Variants in MMP16 observed in about 807,000 individuals in gnomAD.
The protein encoded by MMP16 is matrix metallopeptidase 16, also known as matrix metalloproteinase-16.
Under a neutral mutation model 67.8 loss-of-function variants are expected in MMP16, and 12 were observed. The ratio of observed to expected loss-of-function variants is 0.18; its 90% CI spans 0.11 to 0.29. MMP16 has a LOEUF of 0.29. Among genes scored for constraint, MMP16 ranks in the 10% least tolerant of loss-of-function variants. MMP16 has a pLI of 1.00. For missense variants in MMP16, 475 were observed against 765.7 expected (o/e 0.62, Z 4.48); for synonymous variants, 249 against 255.9 (o/e 0.97, Z 0.26).
At chr8:88,187,078 C>A (rs940626258) in intron 2 of MMP16, among the ~76,000 whole-genome samples, 1 of 152,188 alleles carries the variant, frequency 6.6e-6, no homozygotes, top group Non-Finnish European at 1.5e-5. Flanking sequence ...ATTTACATAG[C>A]AGTCAACTGT....
chr8:88,133,080 C>CT (rs1201672491), intron 4 of MMP16, among the ~76,000 whole-genome samples: 4 of 151,550 alleles, frequency 2.6e-5, no homozygotes, highest in South Asian at 4.2e-4. Flanking sequence ...AACACTGTAC[C>CT]TTTTTTTTCT....
chr8:88,183,650 T>G (rs1201841489), intron 3 of MMP16, among the ~76,000 whole-genome samples: 1 of 151,470 alleles, frequency 6.6e-6, no homozygotes, highest in East Asian at 1.9e-4. Flanking sequence ...ATGTGAACTA[T>G]ATAACGAAAG....
At chr8:88,324,494 T>C (rs1811508195) in intron 1 of MMP16, among the ~76,000 whole-genome samples, 1 of 152,166 alleles carries the variant, frequency 6.6e-6, no homozygotes, top group Non-Finnish European at 1.5e-5. Flanking sequence ...GTAATCTTAG[T>C]TGTCAGCATA....
chr8:88,273,147 G>A (rs1810592933), intron 1 of MMP16, among the ~76,000 whole-genome samples: 1 of 150,732 alleles, frequency 6.6e-6, no homozygotes, highest in African/African-American at 2.4e-5. Context: ...GCAGTGGCAC[G>A]ATCTAACCTC....
intron 1 of MMP16, among the ~76,000 whole-genome samples, chr8:88,211,693 T>C (rs945022620): frequency 2.0e-5 from 3 of 152,178 alleles, no homozygotes; most frequent in African/African-American, 7.2e-5. Flanking sequence ...TATACTTGAA[T>C]ATTGCAACAC....
At chr8:88,128,448 T>C (rs184042614) in intron 4 of MMP16, among the ~76,000 whole-genome samples, 11 of 151,956 alleles carry the variant, frequency 7.2e-5, no homozygotes, top group Non-Finnish European at 1.6e-4. Context: ...TAGACAGGTT[T>C]TTTTCCTGAC....
rs1320831069 is a variant in MMP16, at chr8:88,036,801, C to A, written c.*4660G>T. 1 of 151,338 alleles carries A rather than the reference C, an allele frequency of 6.6e-6. No homozygotes were observed. Among genetic ancestry groups the A allele is most frequent in the Non-Finnish European group, 1.5e-5 (1 of 67,686 alleles). 9.4% of individuals were successfully genotyped at this position (151,338 alleles called of 1,614,324 possible). On this transcript the variant is annotated 3_prime_UTR_variant, in exon 10 of 10. Coordinates refer to ENST00000286614, the MANE Select transcript of MMP16 (RefSeq NM_005941.5). ...GACATCTGTGATACTTTGGAATATG[C>A]CCTTGAAAGCATCAGAAATGAAATA...
At chr8:88,175,491 T>C (rs113361754) in intron 3 of MMP16, among the ~76,000 whole-genome samples, 19 of 152,354 alleles carry the variant, frequency 1.2e-4, no homozygotes, top group African/African-American at 3.6e-4. Context: ...ACATTAACTT[T>C]AAAGTGCAAT....
At chr8:88,272,206 G>A (rs565049038) in intron 1 of MMP16, among the ~76,000 whole-genome samples, 1 of 152,086 alleles carries the variant, frequency 6.6e-6, no homozygotes, top group Non-Finnish European at 1.5e-5. Flanking sequence ...TCATCCTCGT[G>A]GCTATAATGG....
At chr8:88,236,693 G>A (rs2129887556) in intron 1 of MMP16, among the ~76,000 whole-genome samples, 1 of 152,146 alleles carries the variant, frequency 6.6e-6, no homozygotes, top group East Asian at 1.9e-4. Flanking sequence ...AGGCTGCAGT[G>A]AGCCGAGATC....
chr8:88,297,238 A>G (rs1283692748), intron 1 of MMP16, among the ~76,000 whole-genome samples: 1 of 152,160 alleles, frequency 6.6e-6, no homozygotes, highest in Non-Finnish European at 1.5e-5. Context: ...AAGGCAATAC[A>G]GTCCTACCAC....
chr8:88,131,295 A>ACACAC, intron 4 of MMP16, among the ~76,000 whole-genome samples: 1 of 151,124 alleles, frequency 6.6e-6, no homozygotes, highest in African/African-American at 2.4e-5. Flanking sequence ...ACACACACAC[A>ACACAC]ATCTTCCATA....
chr8:88,304,131 C>T (rs1032906887), intron 1 of MMP16, among the ~76,000 whole-genome samples: 1 of 152,132 alleles, frequency 6.6e-6, no homozygotes, highest in Non-Finnish European at 1.5e-5. Context: ...AAAAACACAA[C>T]ATGAGAACTT....
At chr8:88,267,508 C>A (rs1810493678) in intron 1 of MMP16, among the ~76,000 whole-genome samples, 1 of 152,202 alleles carries the variant, frequency 6.6e-6, no homozygotes, top group Non-Finnish European at 1.5e-5. Flanking sequence ...ATGCTAAGAA[C>A]CACATCTGCC....
chr8:88,248,575 G>A (rs982765166), intron 1 of MMP16, among the ~76,000 whole-genome samples: 5 of 151,978 alleles, frequency 3.3e-5, no homozygotes, highest in Non-Finnish European at 7.4e-5. Context: ...ACTGGAAAAC[G>A]TCCATTGCCC....
chr8:88,236,179 C>G (rs977321737), intron 1 of MMP16, among the ~76,000 whole-genome samples: 2 of 152,262 alleles, frequency 1.3e-5, no homozygotes, highest in East Asian at 3.9e-4. Flanking sequence ...GGAGAGGAGA[C>G]AGAACAGCAC....
In MMP16 at chr8:88,041,478, T is replaced by C. The variant is rs753205155; in HGVS notation, c.1807A>G (p.Met603Val). 5 of 1,613,658 alleles carry C rather than the reference T, an allele frequency of 3.1e-6. No homozygotes were observed. The highest frequency in any genetic ancestry group is 4.2e-6 in the Non-Finnish European group (5 of 1,179,618). ...ACCCTACATCACACCCACTCTTGCA[T>C]AGAGCGTTTACAGTACAGTATGTGG... ...PRHILYCKRS[M>V]QEWV The change falls in exon 10 of 10, where the codon ATG becomes GTG. Residue 603 changes from methionine to valine, a missense_variant. Coordinates refer to ENST00000286614, the MANE Select transcript of MMP16 (RefSeq NM_005941.5). The surrounding 1 kb of genome is among the most constrained non-coding windows in gnomAD (Gnocchi z 6.0).
At chr8:88,121,973 C>A (rs987152409) in intron 4 of MMP16, among the ~76,000 whole-genome samples, 1 of 151,924 alleles carries the variant, frequency 6.6e-6, no homozygotes, top group Non-Finnish European at 1.5e-5. Context: ...CATTTATAAT[C>A]CTACTAAAAT....
At chr8:88,155,607 A>C (rs1241828940) in intron 4 of MMP16, among the ~76,000 whole-genome samples, 2 of 152,084 alleles carry the variant, frequency 1.3e-5, no homozygotes, top group Non-Finnish European at 2.9e-5. Context: ...TGCATTCTTA[A>C]GCTGGATTTA....
Sources: allele counts gnomAD v4.1 joint callset (sites outside exome capture counted in the v4.1 genomes callset), GRCh38; gene constraint gnomAD v4.1.1; non-coding constraint Gnocchi (gnomAD v3.1); transcripts MANE v1.5; gene names NCBI Gene and HGNC (gene_info 2026-07-23, HGNC 2026-07-21).